REEP5: variants seen among roughly 807,000 people sequenced by gnomAD.
The protein encoded by REEP5 is receptor accessory protein 5.
In REEP5, 24 loss-of-function variants were observed where a neutral mutation model predicts 22.4. The observed-to-expected ratio is 1.07, with a 90% confidence interval of 0.78 to 1.51. The LOEUF (loss-of-function observed/expected upper bound fraction) is 1.51, where lower values mean the gene tolerates loss of function less well. REEP5 is among the 40% of genes most tolerant of loss of function. REEP5 has a pLI of 0.00. For missense variants in REEP5, 252 were observed against 233.0 expected (o/e 1.08, Z -0.53); for synonymous variants, 103 against 88.6 (o/e 1.16, Z -0.92).
At chr5:112,889,732 G>A (rs1768374720) in intron 3 of REEP5, among the ~76,000 whole-genome samples, 1 of 150,292 alleles carries the variant, frequency 6.7e-6, no homozygotes, top group African/African-American at 2.5e-5. Flanking sequence ...TGTAATCCCA[G>A]CACTTTGGGA....
At chr5:112,896,057 T>TA (rs1349460483) in intron 3 of REEP5, 3 of 152,616 alleles carry the variant, frequency 2.0e-5, no homozygotes, top group African/African-American at 7.2e-5. Context: ...CAGGTAGGGG[T>TA]ATGCTTAACA....
intron 2 of REEP5, among the ~76,000 whole-genome samples, chr5:112,917,121 GC>G (rs1769248774): frequency 6.6e-6 from 1 of 152,196 alleles, no homozygotes; most frequent in Non-Finnish European, 1.5e-5. Flanking sequence ...AATATATAGT[GC>G]TGGACTCTCG....
chr5:112,898,602 A>G (rs1190374888), intron 3 of REEP5, among the ~76,000 whole-genome samples: 1 of 152,162 alleles, frequency 6.6e-6, no homozygotes, highest in East Asian at 1.9e-4. Flanking sequence ...CTGAGGTCAG[A>G]ACTACTGCAA....
At chr5:112,889,448 T>C (rs917248527) in intron 3 of REEP5, among the ~76,000 whole-genome samples, 4 of 150,756 alleles carry the variant, frequency 2.7e-5, no homozygotes, top group Non-Finnish European at 5.9e-5. Context: ...AATAAGTAAA[T>C]AGGATGATAA....
Position 112,921,143 on chromosome 5 carries a change from C to A in REEP5, c.212+20G>T. 2 of 1,612,090 alleles carry A rather than the reference C, an allele frequency of 1.2e-6. No individual in the cohort carries two copies. Among genetic ancestry groups the A allele is most frequent in the Non-Finnish European group, 1.7e-6 (2 of 1,178,390 alleles). On this transcript the variant is annotated intron_variant, in intron 2 of 4. Transcript: ENST00000379638. ...GGAATGGAGGAAGGGAAGGGGACGG[C>A]TGCAGGGTGTGTCACTTACGAGATG...
chr5:112,907,518 A>G (rs751293388), intron 2 of REEP5, among the ~76,000 whole-genome samples: 43 of 152,234 alleles, frequency 2.8e-4, no homozygotes, highest in Non-Finnish European at 6.0e-4. Context: ...CTGGGTGAGC[A>G]GCAGAGGCAC....
Position 112,878,619 on chromosome 5 carries a change from TA to T in REEP5, c.*166del. The T allele has an allele frequency of 1.0e-6, 1 of 988,754 alleles. No individual in the cohort carries two copies. Among genetic ancestry groups the T allele is most frequent in the East Asian group, 2.6e-5 (1 of 38,272 alleles). 61.2% of individuals were successfully genotyped at this position (988,754 alleles called of 1,614,324 possible). A position where few individuals can be genotyped will look rare whatever the true frequency, so the allele number is the denominator to read the frequency against. On this transcript the variant is annotated 3_prime_UTR_variant, in exon 5 of 5. Transcript: ENST00000379638. ...AAGTTTAAAGTGCTCCCTATATATA[TA>T]GACAGTAAAAGTAAGCAAAGAAACT...
At chr5:112,904,675 C>G (rs1265188075) in intron 2 of REEP5, among the ~76,000 whole-genome samples, 4 of 152,176 alleles carry the variant, frequency 2.6e-5, no homozygotes, top group African/African-American at 9.6e-5. Context: ...ATCCAGTAAA[C>G]AGACATCTTC....
In REEP5 at chr5:112,893,111, A is replaced by G. The variant is rs750534241; in HGVS notation, c.352-5928T>C. The G allele has an allele frequency of 9.2e-5, 91 of 988,830 alleles. 1 individual carries two copies. The East Asian group carries it at 1.1e-3, about 12-fold the overall frequency. 61.3% of individuals were successfully genotyped at this position (988,830 alleles called of 1,614,324 possible). On this transcript the variant is annotated intron_variant, in intron 3 of 4. Coordinates refer to ENST00000379638, the MANE Select transcript of REEP5 (RefSeq NM_005669.5). Reference sequence around the variant, plus strand: ...TTTGTTCTTAAAAAAAAAAAAAAAAAAAAAAAGAATGGACCAGGCCAGGTA... The same window carrying G: ...TTTGTTCTTAAAAAAAAAAAAAAAAGAAAAAAGAATGGACCAGGCCAGGTA...
At chr5:112,886,903 G>A in intron 4 of REEP5, 112 bp downstream of exon 4, 1 of 699,752 alleles carries the variant, frequency 1.4e-6, no homozygotes, top group Non-Finnish European at 2.3e-6. Context: ...GAGTAATGTT[G>A]GCATTTGGCT....
At position 112,878,610 on chromosome 5, in the gene REEP5, C is replaced by CTA. The variant is rs1329907179; in HGVS notation, c.*174_*175dup. ...CACTGCATTAAGTTTAAAGTGCTCC[C>CTA]TATATATATAGACAGTAAAAGTAAG... On this transcript the variant is annotated 3_prime_UTR_variant, in exon 5 of 5. Transcript: ENST00000379638. 9.7e-6 allele frequency: 9 copies of CTA among 925,394 alleles called. No individual in the cohort carries two copies. The highest frequency in any genetic ancestry group is 1.9e-5 in the South Asian group (1 of 52,256). The allele number at this position is 925,394 out of a possible 1,614,324, so 57.3% of individuals were successfully genotyped here.
chr5:112,919,549 T>C (rs1384862101), intron 2 of REEP5, among the ~76,000 whole-genome samples: 4 of 152,030 alleles, frequency 2.6e-5, no homozygotes, highest in African/African-American at 9.7e-5. Flanking sequence ...CTGGGCAATA[T>C]AGAGCGAGAC....
At chr5:112,902,603 GA>G (rs5870516) in intron 2 of REEP5, 85 bp from the exon 3 acceptor site, 162,435 of 1,288,176 alleles carry the variant, frequency 0.13, 11,334 homozygotes, top group South Asian at 0.17. Context: ...CCTGTCCTCT[GA>G]TACCACTGAG....
At chr5:112,894,047 CA>C (rs775082252) in intron 3 of REEP5, 1 of 152,204 alleles carries the variant, frequency 6.6e-6, no homozygotes, top group Non-Finnish European at 1.5e-5. Flanking sequence ...TTAATTACAG[CA>C]GACCCTGCAA....
intron 2 of REEP5, among the ~76,000 whole-genome samples, chr5:112,903,538 T>C (rs184403603): frequency 1.6e-4 from 24 of 152,210 alleles, no homozygotes; most frequent in African/African-American, 4.3e-4. Flanking sequence ...TAAAAACTTA[T>C]CCATGTAACC....
In REEP5 at chr5:112,884,487, C is replaced by T. The variant is rs187309786; in HGVS notation, c.520+2528G>A. ...TGATTACCTGGGCCCAAGTGATCCT[C>T]CTGCCTCAGCCTCCTGAGTAGCTGG... On this transcript the variant is annotated intron_variant, in intron 4 of 4. Transcript: ENST00000379638. Among the ~76,000 whole-genome samples the T allele has an allele frequency of 8.7e-4, 132 of 151,490 alleles. 1 individual carries two copies. Among genetic ancestry groups the T allele is most frequent in the Middle Eastern group, 3.4e-3 (1 of 294 alleles).
Position 112,877,506 on chromosome 5 carries a change from A to G in REEP5, c.*1280T>C, listed in dbSNP as rs968480216. On this transcript the variant is annotated 3_prime_UTR_variant, in exon 5 of 5. Coordinates refer to ENST00000379638, the MANE Select transcript of REEP5 (RefSeq NM_005669.5). Reference sequence around the variant, plus strand: ...TTAACTTTACTGTTCTGTACTTACTATGTAGTCATGTGCAGCTTATCAACA... The same window carrying G: ...TTAACTTTACTGTTCTGTACTTACTGTGTAGTCATGTGCAGCTTATCAACA... 13 of 152,196 alleles carry G rather than the reference A, an allele frequency of 8.5e-5. No homozygotes were observed. The highest frequency in any genetic ancestry group is 2.9e-4 in the African/African-American group (12 of 41,454). 9.4% of individuals were successfully genotyped at this position (152,196 alleles called of 1,614,324 possible).
At chr5:112,918,680 G>A (rs153560) in intron 2 of REEP5, among the ~76,000 whole-genome samples, 104,039 of 152,098 alleles carry the variant, frequency 0.68, 37,392 homozygotes, top group African/African-American at 0.91. Context: ...AAGGCAATCA[G>A]AAAATGCAAA....
intron 4 of REEP5, 101 bp from the exon 5 acceptor site, chr5:112,878,936 C>T: frequency 1.9e-6 from 3 of 1,569,592 alleles, no homozygotes; most frequent in Non-Finnish European, 1.7e-6. Context: ...GATAACAAAA[C>T]TTGGATGACT....
Sources: gnomAD v4.1 joint callset for allele counts (sites outside exome capture counted in the v4.1 genomes callset) on GRCh38, gnomAD v4.1.1 for gene constraint, MANE v1.5 for transcripts, NCBI Gene and HGNC (gene_info 2026-07-23, HGNC 2026-07-21) for gene names.